TMOD4: variants seen among roughly 807,000 people sequenced by gnomAD.
TMOD4 encodes tropomodulin 4.
In TMOD4, 34 loss-of-function variants were observed where a neutral mutation model predicts 45.4. The observed-to-expected ratio is 0.75, with a 90% CI of 0.57 to 1.00. The LOEUF (loss-of-function observed/expected upper bound fraction) is 1.00. TMOD4 is among the 50% of genes least tolerant of loss of function. The probability of loss-of-function intolerance (pLI) is 0.00; values close to 1 mark genes in which losing one functional copy is unlikely to be tolerated. For synonymous variants in TMOD4, 131 were observed against 153.9 expected, an observed-to-expected ratio of 0.85 and a Z score of 1.10; for missense variants, 399 against 437.5, an observed-to-expected ratio of 0.91 and a Z score of 0.78.
chr1:151,170,855 C>A (rs1288960111), intron 8 of TMOD4, 65 bp downstream of exon 8: 2 of 1,581,608 alleles, frequency 1.3e-6, no homozygotes, highest in East Asian at 2.2e-5. Context: ...AGCTGCCCCA[C>A]TGGCTGGCTC....
Position 151,172,285 on chromosome 1 carries a change from T to A in TMOD4, c.470A>T (p.Asn157Ile), listed in dbSNP as rs1683985026. Residue 157 changes from asparagine to isoleucine, a missense_variant, in exon 5 of 10, where the codon AAC (asparagine) becomes ATC (isoleucine). Coordinates refer to ENST00000295314, the MANE Select transcript of TMOD4 (RefSeq NM_013353.3). ...ACACTCACTGCTAATGCCTTCAGTG[T>A]TGCAGATTTCTCCACTGCAGAGGGC... ...YDALCSGEIC[N>I]TEGISSVVQP... The A allele has an allele frequency of 6.2e-7, 1 of 1,613,438 alleles. No homozygotes were observed. The highest frequency in any genetic ancestry group is 1.7e-5 in the Admixed American group (1 of 59,988).
Position 151,171,658 on chromosome 1 carries a change from T to C in TMOD4, c.593A>G (p.Glu198Gly). 1.2e-6 allele frequency: 2 copies of C among 1,614,144 alleles called. No individual in the cohort carries two copies. Among genetic ancestry groups the C allele is most frequent in the Non-Finnish European group, 1.7e-6 (2 of 1,180,018 alleles). ...KRVRSNDKELEEVNLNNIQDI... is the reference protein window; with the variant it reads ...KRVRSNDKELGEVNLNNIQDI... ...CTGTATATTATTCAAGTTCACCTCC[T>C]CCAGCTCCTTGTCATTGCTTCGGAC... The change falls in exon 6 of 10, where the codon GAG becomes GGG. Residue 198 changes from glutamate (E) to glycine (G), a missense_variant. Physicochemically the swap from Glu to Gly is moderately conservative, Grantham distance 98. Transcript: ENST00000295314.
intron 3 of TMOD4, 75 bp from the exon 4 acceptor site, chr1:151,173,690 C>G: frequency 8.5e-7 from 1 of 1,181,680 alleles, no homozygotes; most frequent in Non-Finnish European, 1.3e-6. Context: ...TTCCTTCCTC[C>G]TCCAGGAGGT....
At chr1:151,173,892 C>G (rs1348265280) in intron 3 of TMOD4, among the ~76,000 whole-genome samples, 1 of 152,006 alleles carries the variant, frequency 6.6e-6, no homozygotes, top group East Asian at 1.9e-4. Flanking sequence ...TCCTGGCTAA[C>G]ATGGTGAAAC....
intron 5 of TMOD4, 114 bp downstream of exon 5, chr1:151,172,154 C>T (rs936493930): frequency 2.3e-6 from 2 of 888,230 alleles, no homozygotes; most frequent in Non-Finnish European, 3.6e-6. Context: ...TTTCTTATCA[C>T]TCATGCAGCA....
intron 8 of TMOD4, 116 bp downstream of exon 8, chr1:151,170,802 CAG>C: frequency 1.3e-6 from 2 of 1,516,998 alleles, no homozygotes; most frequent in Admixed American, 4.0e-5. Flanking sequence ...GCTTCCCTCA[CAG>C]AGACAATGAA....
chr1:151,170,933 C>A lies in TMOD4; in HGVS notation c.857G>T (p.Arg286Leu). The A allele has an allele frequency of 6.2e-7, 1 of 1,614,034 alleles. No individual in the cohort carries two copies. Among genetic ancestry groups the A allele is most frequent in the East Asian group, 2.2e-5 (1 of 44,878 alleles). ...GGGAATGCTGACCTGATTGTCTACA[C>A]GGAGCTCAGTGAGTGTGGCATTTTC... ...VRENATLTEL[R>L]VDNQRQWPGD... Residue 286 changes from arginine to leucine, a missense_variant, in exon 8 of 10, where the codon CGT (arginine) becomes CTT (leucine). Physicochemically the swap from Arg to Leu is moderately radical, Grantham distance 102 (BLOSUM62 -2). Transcript: ENST00000295314.
rs370620179 is a variant in TMOD4, at chr1:151,170,119, A to G, written c.1016-16T>C. 1.2e-6 allele frequency: 2 copies of G among 1,614,044 alleles called. No individual in the cohort carries two copies. The highest frequency in any genetic ancestry group is 1.3e-5 in the African/African-American group (1 of 74,922). Reference sequence around the variant, plus strand: ...TGCTGGCGACCTGTAAAGGAGCAATATTAAACATAAGTGTTTGTTCCAGCT... The same window carrying G: ...TGCTGGCGACCTGTAAAGGAGCAATGTTAAACATAAGTGTTTGTTCCAGCT... On this transcript the variant is annotated splice_polypyrimidine_tract_variant and intron_variant, in intron 9 of 9. Transcript: ENST00000295314.
In TMOD4 at chr1:151,170,683, A is replaced by C; in HGVS notation, c.871-20T>G. The C allele has an allele frequency of 6.2e-7, 1 of 1,613,474 alleles. No homozygotes were observed. The highest frequency in any genetic ancestry group is 8.5e-7 in the Non-Finnish European group (1 of 1,179,730). ...CTGGCGCTGGGGGAGGGAGAGGCAA[A>C]AGCTGACAGTCACCCTCTCTGGGCT... On this transcript the variant is annotated intron_variant, in intron 8 of 9. Coordinates refer to ENST00000295314, the MANE Select transcript of TMOD4 (RefSeq NM_013353.3).
intron 8 of TMOD4, 55 bp downstream of exon 8, chr1:151,170,865 C>A: frequency 6.3e-7 from 1 of 1,594,862 alleles, no homozygotes; most frequent in South Asian, 1.1e-5. Context: ...CTGGCTGGCT[C>A]AGGGAGGAGA....
Position 151,170,592 on chromosome 1 carries a change from G to A in TMOD4, c.942C>T (p.Arg314=), listed in dbSNP as rs780002902. 26 of 1,614,074 alleles carry A rather than the reference G, an allele frequency of 1.6e-5. No individual in the cohort carries two copies. ...TVLEQCPSIV[R]FGYHFTQQGP... ...CCTGCTGTGTAAAGTGGTAGCCAAA[G>A]CGGACAATAGAGGGACACTGCTCTA... The change falls in exon 9 of 10, where the codon CGC becomes CGT. Residue 314 remains arginine, a synonymous_variant. Coordinates refer to ENST00000295314, the MANE Select transcript of TMOD4 (RefSeq NM_013353.3).
chr1:151,172,423 C>A, intron 4 of TMOD4, 66 bp from the exon 5 acceptor site: 1 of 1,281,434 alleles, frequency 7.8e-7, no homozygotes, highest in South Asian at 1.2e-5. Context: ...TCCCTCCTAC[C>A]TATTTCTGAA....
intron 9 of TMOD4, 164 bp from the exon 10 acceptor site, chr1:151,170,267 C>A: frequency 1.1e-6 from 1 of 888,986 alleles, no homozygotes; most frequent in East Asian, 2.5e-5. Flanking sequence ...GAAACCACAC[C>A]ACAAATAAAA....
chr1:151,174,686 A>G (rs1432926542), intron 2 of TMOD4, 67 bp downstream of exon 2: 1 of 1,608,958 alleles, frequency 6.2e-7, no homozygotes, highest in Non-Finnish European at 8.5e-7. Context: ...ATTCTCAGCC[A>G]CCCAGAGCCC....
At chr1:151,173,852 G>A (rs946388965) in intron 3 of TMOD4, among the ~76,000 whole-genome samples, 1 of 152,202 alleles carries the variant, frequency 6.6e-6, no homozygotes, top group Non-Finnish European at 1.5e-5. Context: ...GCCGAGGCGG[G>A]TGGATCATGA....
In TMOD4 at chr1:151,170,756, G is replaced by T; in HGVS notation, c.871-93C>A. ...CCCCTTTGGGAGGTCAAAGAAGCTT[G>T]TTTCTCCACAGTGGGTGAAGAGAGA... On this transcript the variant is annotated intron_variant, in intron 8 of 9. Coordinates refer to ENST00000295314, the MANE Select transcript of TMOD4 (RefSeq NM_013353.3). 4 of 1,550,460 alleles carry T rather than the reference G, an allele frequency of 2.6e-6. No individual in the cohort carries two copies. The South Asian group carries it at 4.8e-5, about 19-fold the overall frequency.
In TMOD4 at chr1:151,173,619, AT is replaced by A; in HGVS notation, c.281-5del. On this transcript the variant is annotated splice_region_variant and splice_polypyrimidine_tract_variant and intron_variant, in intron 3 of 9. Transcript: ENST00000295314. Reference sequence around the variant, plus strand: ...TTGGGCTGAATATAGGGTTTCCCTGATGGGGAGATGAAGGATGGCTCAGGTA... The same window carrying A: ...TTGGGCTGAATATAGGGTTTCCCTGAGGGGAGATGAAGGATGGCTCAGGTA... 1 of 1,610,054 alleles carries A rather than the reference AT, an allele frequency of 6.2e-7. No homozygotes were observed. Among genetic ancestry groups the A allele is most frequent in the African/African-American group, 1.3e-5 (1 of 74,972 alleles).
At chr1:151,174,164 C>T (rs587670573) in intron 3 of TMOD4, among the ~76,000 whole-genome samples, 3 of 151,954 alleles carry the variant, frequency 2.0e-5, no homozygotes, top group Admixed American at 1.3e-4. Context: ...TGCAGTGAGC[C>T]GAGACTGCAC....
chr1:151,170,257 GA>G (rs1387418527), intron 9 of TMOD4, 154 bp from the exon 10 acceptor site: 6 of 913,860 alleles, frequency 6.6e-6, no homozygotes, highest in Non-Finnish European at 1.0e-5. Flanking sequence ...AACAAAACAA[GA>G]AACCACACCA....
Sources: gnomAD v4.1 joint callset for allele counts (sites outside exome capture counted in the v4.1 genomes callset) on GRCh38, gnomAD v4.1.1 for gene constraint, MANE v1.5 for transcripts, NCBI Gene and HGNC (gene_info 2026-07-23, HGNC 2026-07-21) for gene names.